DOCK7: variants seen among roughly 807,000 people sequenced by gnomAD.
DOCK7 encodes the protein dedicator of cytokinesis 7, also known as dedicator of cytokinesis protein 7.
In DOCK7, 138 loss-of-function variants were observed where a neutral mutation model predicts 271.0. That is an observed-to-expected ratio of 0.51 (90% CI 0.44 to 0.59). The LOEUF (loss-of-function observed/expected upper bound fraction) is 0.59. DOCK7 is among the 20% of genes least tolerant of loss of function. The pLI is 0.00. For synonymous variants in DOCK7, 823 were observed against 876.1 expected (o/e 0.94, Z 1.07); for missense variants, 2,066 against 2,592.4 (o/e 0.80, Z 4.41).
chr1:62,513,571 G>A lies in DOCK7; in HGVS notation c.4155C>T (p.Thr1385=), dbSNP rs772895768. The A allele has an allele frequency of 1.2e-6, 2 of 1,613,906 alleles. No homozygotes were observed. The highest frequency in any genetic ancestry group is 1.7e-6 in the Non-Finnish European group (2 of 1,179,952). ...CTCTCATGTCTTTTGATTTCTTAAAGGTCAAGCTATTCATTCGTTCAAACA... is the reference window on the plus strand; with the variant it reads ...CTCTCATGTCTTTTGATTTCTTAAAAGTCAAGCTATTCATTCGTTCAAACA... ...KKVFERMNSL[T]FKKSKDMRAK... is the part of the protein sequence containing the mutation. The change falls in exon 33 of 50, where the codon ACC becomes ACT. Residue 1385 remains threonine, a synonymous_variant. Coordinates refer to ENST00000635253, the MANE Select transcript of DOCK7 (RefSeq NM_001367561.1).
intron 41 of DOCK7, among the ~76,000 whole-genome samples, chr1:62,489,525 A>C (rs1461767826): frequency 6.6e-6 from 1 of 152,224 alleles, no homozygotes; most frequent in African/African-American, 2.4e-5. Flanking sequence ...CTAATTTTTA[A>C]CTGTATTAAG....
chr1:62,513,991 C>A, intron 31 of DOCK7, 93 bp from the exon 32 acceptor site: 1 of 1,147,524 alleles, frequency 8.7e-7, no homozygotes, highest in South Asian at 1.6e-5. Context: ...AACAATAAAA[C>A]AAAAGTTGCT....
intron 37 of DOCK7, among the ~76,000 whole-genome samples, chr1:62,501,606 G>A (rs1427136506): frequency 6.6e-6 from 1 of 152,068 alleles, no homozygotes; most frequent in East Asian, 1.9e-4. Context: ...CTTGTCTCAA[G>A]TAGAGTTTCT....
chr1:62,625,145 T>C (rs755544116), intron 12 of DOCK7, 114 bp downstream of exon 12: 1 of 900,380 alleles, frequency 1.1e-6, no homozygotes, highest in Non-Finnish European at 1.6e-6. Flanking sequence ...TTAAAGTTTT[T>C]AAGTTTCTTG....
At position 62,667,615 on chromosome 1, in the gene DOCK7, T is replaced by C. The variant is rs183779468; in HGVS notation, c.39-4485A>G. Among the ~76,000 whole-genome samples, 281 of 152,288 alleles carry C rather than the reference T, an allele frequency of 1.8e-3. 1 individual carries two copies. The highest frequency in any genetic ancestry group is 6.6e-3 in the African/African-American group (273 of 41,562). ...CTGCAGTCCCAGCCACTTGGGAGGCTGAGGCAGGAGAATCGCTTGAACCTG... is the reference window on the plus strand; with the variant it reads ...CTGCAGTCCCAGCCACTTGGGAGGCCGAGGCAGGAGAATCGCTTGAACCTG... On this transcript the variant is annotated intron_variant, in intron 1 of 49. Coordinates refer to ENST00000635253, the MANE Select transcript of DOCK7 (RefSeq NM_001367561.1).
Position 62,454,999 on chromosome 1 carries a change from C to G in DOCK7, c.*415G>C, listed in dbSNP as rs1451166721. The G allele has an allele frequency of 2.6e-6, 1 of 384,198 alleles. No individual in the cohort carries two copies. The highest frequency in any genetic ancestry group is 2.1e-5 in the African/African-American group (1 of 48,026). 23.8% of individuals were successfully genotyped at this position (384,198 alleles called of 1,614,324 possible). On this transcript the variant is annotated 3_prime_UTR_variant, in exon 50 of 50. Transcript: ENST00000635253. ...GTCAATAATAAAAATTTTGAAGTCC[C>G]ACTCGGTAAAATTAGTGTAAACATT...
intron 6 of DOCK7, 47 bp from the exon 7 acceptor site, chr1:62,647,823 CA>C: frequency 7.5e-7 from 1 of 1,327,370 alleles, no homozygotes. Flanking sequence ...TATCATATTC[CA>C]ACTCTTTATC....
At chr1:62,643,498 T>C (rs993519026) in intron 7 of DOCK7, among the ~76,000 whole-genome samples, 1 of 152,238 alleles carries the variant, frequency 6.6e-6, no homozygotes, top group Non-Finnish European at 1.5e-5. Context: ...TTAGGCTAAT[T>C]GTAATTTCTT....
At chr1:62,518,234 AAG>A (rs1644730444) in intron 31 of DOCK7, among the ~76,000 whole-genome samples, 1 of 151,782 alleles carries the variant, frequency 6.6e-6, no homozygotes, top group Non-Finnish European at 1.5e-5. Flanking sequence ...CCAGGAGTTC[AAG>A]ATCAGCCTGG....
chr1:62,460,604 AACACACACACACACACACACAC>A (rs57641890), intron 48 of DOCK7, among the ~76,000 whole-genome samples: 1 of 148,906 alleles, frequency 6.7e-6, no homozygotes, highest in Admixed American at 6.7e-5. Context: ...CAATGTATTG[AACACACACACACACACACACAC>A]ACACACACAC....
In DOCK7 at chr1:62,455,454, T is replaced by C; in HGVS notation, c.6383A>G (p.Asp2128Gly). Residue 2128 changes from aspartate to glycine, a missense_variant and splice_region_variant, in exon 50 of 50, where the codon GAT (aspartate) becomes GGT (glycine). This residue lies in a region of DOCK7 where 652 missense variants were observed against 922.1 expected (regional missense o/e 0.71). Transcript: ENST00000635253. ...GCGAAGGCTCATTCGACTGAAGGAATCTCTGGGAAAAAAATGAGAGGACAT... is the reference window on the plus strand; with the variant it reads ...GCGAAGGCTCATTCGACTGAAGGAACCTCTGGGAAAAAAATGAGAGGACAT... Reference protein sequence around the residue: ...KAVLPVTCHRDSFSRMSLRKM... With the variant: ...KAVLPVTCHRGSFSRMSLRKM... The C allele has an allele frequency of 6.2e-7, 1 of 1,613,446 alleles. No individual in the cohort carries two copies. The highest frequency in any genetic ancestry group is 8.5e-7 in the Non-Finnish European group (1 of 1,179,684).
intron 41 of DOCK7, among the ~76,000 whole-genome samples, chr1:62,491,467 T>G (rs1158641852): frequency 6.6e-6 from 1 of 152,222 alleles, no homozygotes; most frequent in African/African-American, 2.4e-5. Context: ...CTTTCTCCAA[T>G]AAACATCCCA....
chr1:62,507,548 G>A (rs1041105706), intron 35 of DOCK7, among the ~76,000 whole-genome samples: 2 of 152,188 alleles, frequency 1.3e-5, no homozygotes, highest in East Asian at 3.8e-4. Context: ...GAGGGCAACT[G>A]TTAGGACCCA....
At chr1:62,663,177 AACT>A in intron 1 of DOCK7, 47 bp from the exon 2 acceptor site, 1 of 1,424,344 alleles carries the variant, frequency 7.0e-7, no homozygotes, top group Non-Finnish European at 9.7e-7. Flanking sequence ...AAAAAAAAAA[AACT>A]AAACTAGTTT....
Position 62,504,630 on chromosome 1 carries a change from A to G in DOCK7, c.4764T>C (p.Asn1588=). 1.9e-6 allele frequency: 3 copies of G among 1,608,898 alleles called. No individual in the cohort carries two copies. The highest frequency in any genetic ancestry group is 2.2e-5 in the East Asian group (1 of 44,838). Residue 1588 remains asparagine, a splice_region_variant and synonymous_variant, in exon 37 of 50, where the codon AAT becomes AAC. Coordinates refer to ENST00000635253, the MANE Select transcript of DOCK7 (RefSeq NM_001367561.1). ...AGAATTTTCATGATAAAATACTTAC[A>G]TTCCCAATCTCAAAGTTTTGCCTCA... ...LLMRQNFEIG[N]NFARVKMQVT... is the part of the protein sequence containing the mutation.
chr1:62,630,235 T>C (rs1036424063), intron 11 of DOCK7, among the ~76,000 whole-genome samples: 3 of 152,154 alleles, frequency 2.0e-5, no homozygotes, highest in East Asian at 1.9e-4. Flanking sequence ...CCCTTTGTTT[T>C]GGGTTAAATG....
chr1:62,670,829 G>C (rs372347983), intron 1 of DOCK7, among the ~76,000 whole-genome samples: 4 of 148,968 alleles, frequency 2.7e-5, no homozygotes, highest in Admixed American at 6.7e-5. Flanking sequence ...CAGGCTGCCC[G>C]AGCCAGCATT....
In DOCK7 at chr1:62,589,317, T is replaced by G. The variant is rs77581551; in HGVS notation, c.1683-2693A>C. Among the ~76,000 whole-genome samples the G allele has an allele frequency of 8.4e-4, 128 of 152,310 alleles. 4 individuals are homozygous for G. The East Asian group carries it at 0.024, about 29-fold the overall frequency. ...TTTATAAACTCACAGATGAAACATA[T>G]TTGATGAGTCTCAGTATATTAGAGT... On this transcript the variant is annotated intron_variant, in intron 14 of 49. Transcript: ENST00000635253.
In DOCK7 at chr1:62,578,925, GC is replaced by G; in HGVS notation, c.1912del (p.Ala638LeufsTer3). The G allele has an allele frequency of 6.2e-7, 1 of 1,600,628 alleles. No homozygotes were observed. Among genetic ancestry groups the G allele is most frequent in the South Asian group, 1.1e-5 (1 of 88,584 alleles). ...CAAGTGATGATGGTCAGTTAAAGTA[GC>G]AGGAAGCTTAACCTTGATTTCTTCA... is the stretch of plus-strand genomic sequence containing the variant. ...FHEEIKVKLP[A>X]TLTDHHHLLF... On this transcript the variant is annotated frameshift_variant, in exon 17 of 50. Transcript: ENST00000635253. LOFTEE classifies it high-confidence loss of function.
Sources: allele counts gnomAD v4.1 joint callset (sites outside exome capture counted in the v4.1 genomes callset), GRCh38; gene constraint gnomAD v4.1.1; regional missense constraint gnomAD v4.1.1; transcripts MANE v1.5; gene names NCBI Gene and HGNC (gene_info 2026-07-23, HGNC 2026-07-21).